Variants in FANCI observed in about 807,000 individuals in gnomAD.
The protein encoded by FANCI is Fanconi anemia group I protein.
A neutral mutation model predicts 176.1 loss-of-function variants in FANCI; 156 were observed. That is an observed-to-expected ratio of 0.89 (90% CI 0.78 to 1.01). FANCI has a LOEUF of 1.01. FANCI is among the 50% of genes least tolerant of loss of function. FANCI has a pLI of 0.00. For missense variants in FANCI, 1,678 were observed against 1,534.1 expected (o/e 1.09, Z -1.57); for synonymous variants, 613 against 541.7 (o/e 1.13, Z -1.83).
intron 3 of FANCI, chr15:89,259,124 T>C (rs1016536647): frequency 3.3e-6 from 1 of 302,670 alleles, no homozygotes; most frequent in Non-Finnish European, 6.4e-6. Flanking sequence ...AAGTAACCTC[T>C]GGGGTTTAAT....
rs869076373 is a variant in FANCI at position 89,245,334 on chromosome 15, A to ATTTTTTTTTTTT, written c.-20+1326_-20+1337dup. The ATTTTTTTTTTTT allele has an allele frequency of 1.4e-4, 5 of 36,170 alleles. 1 individual carries two copies. Among genetic ancestry groups the ATTTTTTTTTTTT allele is most frequent in the Non-Finnish European group, 1.7e-4 (3 of 17,564 alleles). The allele number at this position is 36,170 out of a possible 1,614,324, so 2.2% of individuals were successfully genotyped here. ...CAGGTGCGTGCCGTCACGCCCAGCT[A>ATTTTTTTTTTTT]TTTTTTTTTTTTTTTTTTTTTTTTT... On this transcript the variant is annotated intron_variant, in intron 1 of 37. Coordinates refer to ENST00000310775, the MANE Select transcript of FANCI (RefSeq NM_001113378.2).
chr15:89,250,718 TAAA>T (rs938833878), intron 2 of FANCI, among the ~76,000 whole-genome samples: 1 of 149,482 alleles, frequency 6.7e-6, no homozygotes, highest in Non-Finnish European at 1.5e-5. Context: ...TATATAAAAA[TAAA>T]AAAATACCTT....
At chr15:89,303,618 C>T (rs2054604167) in intron 27 of FANCI, among the ~76,000 whole-genome samples, 1 of 152,174 alleles carries the variant, frequency 6.6e-6, no homozygotes, top group African/African-American at 2.4e-5. Flanking sequence ...GGTGTAAGGA[C>T]CCTAAAACTT....
At chr15:89,251,185 G>T (rs888907277) in intron 2 of FANCI, among the ~76,000 whole-genome samples, 1 of 152,160 alleles carries the variant, frequency 6.6e-6, no homozygotes, top group Non-Finnish European at 1.5e-5. Flanking sequence ...GTAGATTCCT[G>T]TGCAAATAAA....
chr15:89,282,388 G>A (rs915151417), intron 16 of FANCI: 1 of 164,038 alleles, frequency 6.1e-6, no homozygotes, highest in East Asian at 1.7e-4. Context: ...TTGTAGCTTA[G>A]CCAGTCCCTC....
intron 2 of FANCI, among the ~76,000 whole-genome samples, chr15:89,251,940 C>G (rs1302795836): frequency 6.6e-6 from 1 of 152,154 alleles, no homozygotes; most frequent in Non-Finnish European, 1.5e-5. Context: ...GTCTCCATTA[C>G]TATATAATGT....
At chr15:89,262,430 A>G (rs1245318891) in intron 6 of FANCI, among the ~76,000 whole-genome samples, 4 of 152,168 alleles carry the variant, frequency 2.6e-5, no homozygotes, top group Non-Finnish European at 5.9e-5. Context: ...CATGTAAACT[A>G]TGTAAGTTAA....
chr15:89,307,820 G>A, intron 34 of FANCI, 148 bp downstream of exon 34: 1 of 1,522,024 alleles, frequency 6.6e-7, no homozygotes, highest in Non-Finnish European at 8.8e-7. Context: ...ACCAAGCCAA[G>A]GCTTGAGGGC....
chr15:89,252,570 A>G (rs984746466), intron 2 of FANCI, among the ~76,000 whole-genome samples: 18 of 149,934 alleles, frequency 1.2e-4, no homozygotes, highest in African/African-American at 4.2e-4. Context: ...TGAAACCTCA[A>G]CTCTACTAAA....
chr15:89,305,217 AC>A lies in FANCI; in HGVS notation c.3162del (p.His1054GlnfsTer7). On this transcript the variant is annotated frameshift_variant, in exon 29 of 38. Transcript: ENST00000310775. LOFTEE classifies it high-confidence loss of function. Reference sequence around the variant, plus strand: ...CTGCGTGACTTGTCCCAGGATATCCACGGGCATCTGGGAGATATAGACCAGG... The same window carrying A: ...CTGCGTGACTTGTCCCAGGATATCCAGGGCATCTGGGAGATATAGACCAGG... The part of the protein sequence containing the change: ...ILLRDLSQDI[H>X]GHLGDIDQDV... 6.2e-7 allele frequency: 1 copy of A among 1,614,200 alleles called. No individual in the cohort carries two copies. The highest frequency in any genetic ancestry group is 8.5e-7 in the Non-Finnish European group (1 of 1,180,028).
chr15:89,264,655 T>A (rs765851633), intron 9 of FANCI, 48 bp downstream of exon 9: 2 of 1,520,330 alleles, frequency 1.3e-6, no homozygotes, highest in Admixed American at 3.4e-5. Context: ...AAATTCATCT[T>A]CTCATTGTGT....
chr15:89,290,427 TC>T (rs2054016595), intron 19 of FANCI, 146 bp downstream of exon 19: 2 of 685,064 alleles, frequency 2.9e-6, no homozygotes, highest in Non-Finnish European at 5.2e-6. Flanking sequence ...GTTATGCTGT[TC>T]TGGGTTGTCT....
Position 89,264,015 on chromosome 15 carries a change from C to A in FANCI, c.658C>A (p.Leu220Ile), listed in dbSNP as rs780719631. 1 of 1,613,960 alleles carries A rather than the reference C, an allele frequency of 6.2e-7. No individual in the cohort carries two copies. Among genetic ancestry groups the A allele is most frequent in the African/African-American group, 1.3e-5 (1 of 74,948 alleles). Residue 220 changes from leucine (L) to isoleucine (I), a missense_variant, in exon 8 of 38, where the codon CTC becomes ATC. Leu to Ile is a conservative substitution (Grantham distance 5). Around this residue, in one of 3 missense-constraint regions of FANCI, gnomAD observed 469 missense variants for 436.9 expected, o/e 1.07. Transcript: ENST00000310775. The stretch of plus-strand genomic sequence containing the variant: ...ACCTTTGGTCTATCAGCTTCTGGTT[C>A]TCTCCTCCAAGGTACAAATGGAAAA... ...IPPLVYQLLV[L>I]SSKGSRKSVL...
chr15:89,293,229 C>T (rs1213748459), intron 22 of FANCI, among the ~76,000 whole-genome samples, 166 bp downstream of exon 22: 4 of 152,084 alleles, frequency 2.6e-5, no homozygotes, highest in African/African-American at 4.8e-5. Flanking sequence ...CACTAGAGAG[C>T]GCTGAAGTAT....
intron 11 of FANCI, 146 bp downstream of exon 11, chr15:89,273,615 A>G: frequency 1.6e-6 from 1 of 643,436 alleles, no homozygotes; most frequent in Non-Finnish European, 2.8e-6. Context: ...GCAATAAGAC[A>G]TGTATGTCCC....
intron 35 of FANCI, among the ~76,000 whole-genome samples, chr15:89,313,376 T>C (rs893769418): frequency 2.0e-5 from 3 of 152,244 alleles, no homozygotes; most frequent in African/African-American, 7.2e-5. Flanking sequence ...AGGGATTTTA[T>C]GATCAGATGG....
chr15:89,313,064 G>C (rs540710923), intron 35 of FANCI, 92 bp downstream of exon 35: 48 of 1,197,614 alleles, frequency 4.0e-5, no homozygotes, highest in Admixed American at 1.9e-4. Context: ...ACCACGTGTT[G>C]TATGATTCCA....
rs372553903 is a variant in FANCI, at chr15:89,300,368, C to G, written c.2872C>G (p.Gln958Glu). The change falls in exon 26 of 38, where the codon CAG becomes GAG. Residue 958 changes from glutamine (Q) to glutamate (E), a missense_variant. By Grantham distance (29) the Gln-to-Glu change is conservative (BLOSUM62 2). Coordinates refer to ENST00000310775, the MANE Select transcript of FANCI (RefSeq NM_001113378.2). ...DVSVTQRTAF[Q>E]IRQFQRSLLN... The stretch of plus-strand genomic sequence containing the variant: ...CAGTGTCACTCAGAGAACAGCATTC[C>G]AGATCCGGCAATTTCAGGTGAGAAG... 1.2e-5 allele frequency: 19 copies of G among 1,613,678 alleles called. No homozygotes were observed. The highest frequency in any genetic ancestry group is 1.7e-5 in the Admixed American group (1 of 59,988).
At position 89,246,858 on chromosome 15, in the gene FANCI, C is replaced by T. The variant is rs192997981; in HGVS notation, c.-19-771C>T. On this transcript the variant is annotated intron_variant, in intron 1 of 37. Coordinates refer to ENST00000310775, the MANE Select transcript of FANCI (RefSeq NM_001113378.2). The stretch of plus-strand genomic sequence containing the variant: ...TCCGCTCACTGCAAGCTCCTCCTCC[C>T]GGGTTCACGCCATTCTCCTGCCTCA... Among the ~76,000 whole-genome samples the T allele has an allele frequency of 2.8e-3, 414 of 150,310 alleles. 2 individuals carry two copies. Among genetic ancestry groups the T allele is most frequent in the African/African-American group, 9.6e-3 (391 of 40,914 alleles).
Sources: allele counts gnomAD v4.1 joint callset (sites outside exome capture counted in the v4.1 genomes callset), GRCh38; gene constraint gnomAD v4.1.1; regional missense constraint gnomAD v4.1.1; transcripts MANE v1.5; gene names NCBI Gene and HGNC (gene_info 2026-07-23, HGNC 2026-07-21).